Variants in ZNF740 observed in about 807,000 individuals in gnomAD.
ZNF740 encodes the protein oriLyt TD-element-binding protein 7.
ZNF740 carries 14 observed loss-of-function variants against 24.8 expected under a neutral mutation model. That is an observed-to-expected ratio of 0.56 (90% confidence interval 0.37 to 0.88). The LOEUF (loss-of-function observed/expected upper bound fraction) is 0.88, where lower values mean the gene tolerates loss of function less well. Ranked by LOEUF, ZNF740 falls within the 40% of genes least tolerant of loss-of-function variation. The pLI, the probability that ZNF740 is intolerant of heterozygous loss-of-function variation, is 0.00. For missense variants in ZNF740, 201 were observed against 247.9 expected, an observed-to-expected ratio of 0.81 and a Z score of 1.27; for synonymous variants, 69 against 84.0, an observed-to-expected ratio of 0.82 and a Z score of 0.98.
rs557465095 is a variant in ZNF740 at position 53,189,209 on chromosome 12, C to T, written c.*1619C>T. ...ATGAATTTTCTAAGGTGAAATAAAC[C>T]TTTTCTTTCTGCTAAAGAAAGAATC... On this transcript the variant is annotated 3_prime_UTR_variant, in exon 7 of 7. Transcript: ENST00000416904. 6.6e-6 allele frequency: 1 copy of T among 152,040 alleles called. No homozygotes were observed. Among genetic ancestry groups the T allele is most frequent in the Admixed American group, 6.5e-5 (1 of 15,270 alleles). 9.4% of individuals were successfully genotyped at this position (152,040 alleles called of 1,614,324 possible). A position where few individuals can be genotyped will look rare whatever the true frequency, so the allele number is the denominator to read the frequency against.
At position 53,194,639 on chromosome 12, in the gene ZNF740, G is replaced by GC. The variant is rs1461210253; in HGVS notation, c.*7053dup. On this transcript the variant is annotated 3_prime_UTR_variant, in exon 7 of 7. Coordinates refer to ENST00000416904, the MANE Select transcript of ZNF740 (RefSeq NM_001004304.4). ...AATGTACAGAGACCATGTTTGTGAA[G>GC]CCCCACATCAGGACACATAACCTGG... 4 of 327,742 alleles carry GC rather than the reference G, an allele frequency of 1.2e-5. No individual in the cohort carries two copies. Among genetic ancestry groups the GC allele is most frequent in the Admixed American group, 1.2e-4 (3 of 25,178 alleles). The allele number at this position is 327,742 out of a possible 1,614,324, so 20.3% of individuals were successfully genotyped here. A position where few individuals can be genotyped will look rare whatever the true frequency, so the allele number is the denominator to read the frequency against.
intron 2 of ZNF740, among the ~76,000 whole-genome samples, chr12:53,182,837 C>T (rs2121528127): frequency 6.6e-6 from 1 of 152,216 alleles, no homozygotes; most frequent in East Asian, 1.9e-4. Flanking sequence ...TTATGCCTCG[C>T]TAAGTTAAGC....
In ZNF740 at chr12:53,191,260, G is replaced by A. The variant is rs149509160; in HGVS notation, c.*3670G>A. ...GAGGAGGATGGACAAGAGCTTTCCC[G>A]AGGCCCAGGCTATAAACAGTCTGCT... On this transcript the variant is annotated 3_prime_UTR_variant, in exon 7 of 7. Transcript: ENST00000416904. 179 of 388,344 alleles carry A rather than the reference G, an allele frequency of 4.6e-4. No homozygotes were observed. The highest frequency in any genetic ancestry group is 2.6e-3 in the African/African-American group (127 of 48,956). 24.1% of individuals were successfully genotyped at this position (388,344 alleles called of 1,614,324 possible).
At position 53,194,441 on chromosome 12, in the gene ZNF740, C is replaced by T; in HGVS notation, c.*6851C>T. On this transcript the variant is annotated 3_prime_UTR_variant, in exon 7 of 7. Transcript: ENST00000416904. ...CAGGTGTTCCCAATTCTGCCAGCACCCTGCCCTCTGCCACCTGGGGCTCCT... is the reference window on the plus strand; with the variant it reads ...CAGGTGTTCCCAATTCTGCCAGCACTCTGCCCTCTGCCACCTGGGGCTCCT... 5 of 1,282,096 alleles carry T rather than the reference C, an allele frequency of 3.9e-6. No homozygotes were observed. Among genetic ancestry groups the T allele is most frequent in the Non-Finnish European group, 3.3e-6 (3 of 915,540 alleles). The allele number at this position is 1,282,096 out of a possible 1,614,324, so 79.4% of individuals were successfully genotyped here.
In ZNF740 at chr12:53,195,080, C is replaced by A. The variant is rs550980667; in HGVS notation, c.*7490C>A. 4.1e-4 allele frequency: 153 copies of A among 368,982 alleles called. No homozygotes were observed. Among genetic ancestry groups the A allele is most frequent in the Admixed American group, 2.0e-3 (50 of 25,382 alleles). 22.9% of individuals were successfully genotyped at this position (368,982 alleles called of 1,614,324 possible). ...CTTTTGGCAGGGTTAAATGAAGTAG[C>A]AAACAGTATGTACACCTAGGATGGT... On this transcript the variant is annotated 3_prime_UTR_variant, in exon 7 of 7. Coordinates refer to ENST00000416904, the MANE Select transcript of ZNF740 (RefSeq NM_001004304.4).
At position 53,193,893 on chromosome 12, in the gene ZNF740, G is replaced by GA. The variant is rs765708013; in HGVS notation, c.*6306dup. On this transcript the variant is annotated 3_prime_UTR_variant, in exon 7 of 7. Transcript: ENST00000416904. Reference sequence around the variant, plus strand: ...AGTGGGTGGCTTGGAGAGAAACCCAGAAAGTCACCTGAGAAGAGGCAGGAA... The same window carrying GA: ...AGTGGGTGGCTTGGAGAGAAACCCAGAAAAGTCACCTGAGAAGAGGCAGGAA... 1 of 1,612,606 alleles carries GA rather than the reference G, an allele frequency of 6.2e-7. No homozygotes were observed. Among genetic ancestry groups the GA allele is most frequent in the Non-Finnish European group, 8.5e-7 (1 of 1,179,230 alleles).
rs949006589 is a variant in ZNF740, at chr12:53,193,060, C to T, written c.*5470C>T. On this transcript the variant is annotated 3_prime_UTR_variant, in exon 7 of 7. Coordinates refer to ENST00000416904, the MANE Select transcript of ZNF740 (RefSeq NM_001004304.4). ...ACCGGAATCTTTTGATATTTGCCTT[C>T]CATGCCAGGAGATTCCCAGAGCCTA... 7.0e-7 allele frequency: 1 copy of T among 1,425,670 alleles called. No individual in the cohort carries two copies. The highest frequency in any genetic ancestry group is 1.8e-4 in the Middle Eastern group (1 of 5,532). The allele number at this position is 1,425,670 out of a possible 1,614,324, so 88.3% of individuals were successfully genotyped here. A position where few individuals can be genotyped will look rare whatever the true frequency, so the allele number is the denominator to read the frequency against.
chr12:53,186,342 C>T (rs761337643), intron 5 of ZNF740, 49 bp from the exon 6 acceptor site: 15 of 1,470,344 alleles, frequency 1.0e-5, no homozygotes, highest in Middle Eastern at 1.7e-4. Flanking sequence ...GAATGAGGTC[C>T]CTACTGTACA....
At chr12:53,187,327 G>T (rs1362633681) in intron 6 of ZNF740, among the ~76,000 whole-genome samples, 174 bp from the exon 7 acceptor site, 1 of 152,180 alleles carries the variant, frequency 6.6e-6, no homozygotes, top group Non-Finnish European at 1.5e-5. Context: ...CCAAGATTCA[G>T]CCCCAGGCGG....
chr12:53,184,437 CATTCTCCCA>C (rs1477982413), intron 2 of ZNF740, among the ~76,000 whole-genome samples: 33 of 152,228 alleles, frequency 2.2e-4, no homozygotes, highest in African/African-American at 7.7e-4. Context: ...CCGCCCGCCT[CATTCTCCCA>C]AAGTGCTGGG....
Position 53,191,626 on chromosome 12 carries a change from G to A in ZNF740, c.*4036G>A. 6.2e-7 allele frequency: 1 copy of A among 1,613,258 alleles called. No homozygotes were observed. The highest frequency in any genetic ancestry group is 1.7e-5 in the Admixed American group (1 of 60,016). ...GGTCGTGATGGCACTTTTGTAGAGA[G>A]GATTACTGTCCTGGAGAAAGATGTT... On this transcript the variant is annotated 3_prime_UTR_variant, in exon 7 of 7. Transcript: ENST00000416904.
At position 53,193,653 on chromosome 12, in the gene ZNF740, C is replaced by A; in HGVS notation, c.*6063C>A. The A allele has an allele frequency of 1.4e-6, 2 of 1,474,626 alleles. No homozygotes were observed. Among genetic ancestry groups the A allele is most frequent in the Non-Finnish European group, 9.3e-7 (1 of 1,078,752 alleles). 91.3% of individuals were successfully genotyped at this position (1,474,626 alleles called of 1,614,324 possible). A position where few individuals can be genotyped will look rare whatever the true frequency, so the allele number is the denominator to read the frequency against. On this transcript the variant is annotated 3_prime_UTR_variant, in exon 7 of 7. Coordinates refer to ENST00000416904, the MANE Select transcript of ZNF740 (RefSeq NM_001004304.4). Reference sequence around the variant, plus strand: ...TGGAAAGCAGCGGAGGAATACGGGCCAGGGTTGGTTGGTTGTTGGGAGCCA... The same window carrying A: ...TGGAAAGCAGCGGAGGAATACGGGCAAGGGTTGGTTGGTTGTTGGGAGCCA...
At chr12:53,181,110 G>T in intron 1 of ZNF740, 1 of 950,872 alleles carries the variant, frequency 1.1e-6, no homozygotes, top group Non-Finnish European at 1.3e-6. Context: ...GCACTCTCCG[G>T]CTCTGCTCCC....
Position 53,181,869 on chromosome 12 carries a change from A to G in ZNF740, c.-115A>G. On this transcript the variant is annotated 5_prime_UTR_variant, in exon 2 of 7. Transcript: ENST00000416904. The stretch of plus-strand genomic sequence containing the variant: ...TCAATATGGCAACAGGACTGATGGG[A>G]CACGAAGGAGTCGCTACCGTGATTT... 1 of 1,320,400 alleles carries G rather than the reference A, an allele frequency of 7.6e-7. No individual in the cohort carries two copies. The highest frequency in any genetic ancestry group is 1.1e-6 in the Non-Finnish European group (1 of 941,224). The allele number at this position is 1,320,400 out of a possible 1,614,324, so 81.8% of individuals were successfully genotyped here.
chr12:53,184,164 CTG>C (rs1565690762), intron 2 of ZNF740, among the ~76,000 whole-genome samples: 1 of 124,312 alleles, frequency 8.0e-6, no homozygotes, highest in East Asian at 2.8e-4. Context: ...CGCGCGCGCT[CTG>C]AAGCTAAGGG....
In ZNF740 at chr12:53,187,570, G is replaced by A. The variant is rs949278725; in HGVS notation, c.562G>A (p.Asp188Asn). ...MCQGCQSKTS[D>N]GQFSL Reference sequence around the variant, plus strand: ...CCAAGGGTGCCAGTCCAAGACTTCCGACGGGCAGTTTTCTCTATAGGCGCA... The same window carrying A: ...CCAAGGGTGCCAGTCCAAGACTTCCAACGGGCAGTTTTCTCTATAGGCGCA... The change falls in exon 7 of 7, where the codon GAC becomes AAC. Residue 188 changes from aspartate to asparagine, a missense_variant. By Grantham distance (23) the Asp-to-Asn change is conservative (BLOSUM62 1). Coordinates refer to ENST00000416904, the MANE Select transcript of ZNF740 (RefSeq NM_001004304.4). The A allele has an allele frequency of 8.1e-6, 13 of 1,613,822 alleles. No homozygotes were observed. The highest frequency in any genetic ancestry group is 2.7e-5 in the African/African-American group (2 of 74,896).
Position 53,186,468 on chromosome 12 carries a change from C to A in ZNF740, c.451C>A (p.His151Asn). The A allele has an allele frequency of 6.3e-7, 1 of 1,588,624 alleles. No homozygotes were observed. The change falls in exon 6 of 7, where the codon CAC becomes AAC. Residue 151 changes from histidine to asparagine, a missense_variant. This residue lies in a region of ZNF740 where 60 missense variants were observed against 107.8 expected (regional missense o/e 0.56). Transcript: ENST00000416904. The stretch of plus-strand genomic sequence containing the variant: ...CCACCTGGAACGCCACAAGCGTGTG[C>A]ACAGTGGTGAAAAGCCTTACCAGTG... The part of the protein sequence containing the change: ...KYHLERHKRV[H>N]SGEKPYQCER...
At chr12:53,184,306 A>G (rs935304496) in intron 2 of ZNF740, among the ~76,000 whole-genome samples, 4 of 151,898 alleles carry the variant, frequency 2.6e-5, no homozygotes, top group Non-Finnish European at 5.9e-5. Context: ...CTTCTGCCTC[A>G]GCCTCCCGAG....
At position 53,186,512 on chromosome 12, in the gene ZNF740, A is replaced by G. The variant is rs530457843; in HGVS notation, c.492+3A>G. 2 of 1,557,346 alleles carry G rather than the reference A, an allele frequency of 1.3e-6. No homozygotes were observed. The highest frequency in any genetic ancestry group is 2.4e-5 in the South Asian group (2 of 84,470). ...ACCAGTGTGAACGGTGTCATCAGGT[A>G]AGGCTCATCCCTGCTACAATACCCC... On this transcript the variant is annotated splice_donor_region_variant and intron_variant, in intron 6 of 6. Transcript: ENST00000416904.
Sources: allele counts gnomAD v4.1 joint callset (sites outside exome capture counted in the v4.1 genomes callset), GRCh38; gene constraint gnomAD v4.1.1; regional missense constraint gnomAD v4.1.1; transcripts MANE v1.5; gene names NCBI Gene and HGNC (gene_info 2026-07-23, HGNC 2026-07-21).